The following LZTFL1 variants were observed in gnomAD, a reference collection of about 807,000 sequenced individuals.
LZTFL1 encodes leucine zipper transcription factor-like protein 1.
LZTFL1 carries 25 observed loss-of-function variants against 45.9 expected under a neutral mutation model. The observed-to-expected ratio is 0.54, with a 90% CI of 0.40 to 0.76. The LOEUF (loss-of-function observed/expected upper bound fraction) is 0.76, where lower values mean the gene tolerates loss of function less well. LZTFL1 is among the 30% of genes least tolerant of loss of function. The probability of loss-of-function intolerance (pLI) is 0.00; values close to 1 mark genes in which losing one functional copy is unlikely to be tolerated. For synonymous variants in LZTFL1, 93 were observed against 117.4 expected (o/e 0.79, Z 1.35); for missense variants, 277 against 331.1 (o/e 0.84, Z 1.27).
At chr3:45,907,760 T>A (rs974271050) in intron 2 of LZTFL1, among the ~76,000 whole-genome samples, 2 of 152,296 alleles carry the variant, frequency 1.3e-5, no homozygotes, top group Non-Finnish European at 2.9e-5. Flanking sequence ...CTAGTATTCT[T>A]CTTCCTACTG....
At chr3:45,899,467 T>C (rs565400717) in intron 2 of LZTFL1, among the ~76,000 whole-genome samples, 4 of 152,326 alleles carry the variant, frequency 2.6e-5, no homozygotes, top group Non-Finnish European at 5.9e-5. Flanking sequence ...TTTGTTAATA[T>C]TAACTGTTCA....
chr3:45,914,235 T>A (rs187911767), intron 1 of LZTFL1, among the ~76,000 whole-genome samples: 2 of 151,816 alleles, frequency 1.3e-5, no homozygotes, highest in East Asian at 3.9e-4. Context: ...GACCTGTGAA[T>A]GGACCAGACC....
rs1702575287 is a variant in LZTFL1, at chr3:45,901,966, A to C, written c.-215+11154T>G. On this transcript the variant is annotated intron_variant, in intron 2 of 4. Coordinates refer to the LZTFL1 transcript ENST00000472635. The surrounding 1 kb of genome is among the most constrained non-coding windows in gnomAD (Gnocchi z 4.3). ...AAATACAGAAACAGTTTCCCCACTG[A>C]TGGGACCAGAGAGAGTGAAAGAGAA... The C allele has an allele frequency of 5.5e-6, 7 of 1,278,046 alleles. No individual in the cohort carries two copies. In the South Asian group the frequency reaches 7.3e-5, roughly 13 times the overall value. The allele number at this position is 1,278,046 out of a possible 1,614,324, so 79.2% of individuals were successfully genotyped here.
chr3:45,875,055 T>C, intron 2 of LZTFL1, among the ~76,000 whole-genome samples: 1 of 152,182 alleles, frequency 6.6e-6, no homozygotes. Flanking sequence ...AATCATGAGC[T>C]AAATAAATAA....
intron 2 of LZTFL1, among the ~76,000 whole-genome samples, chr3:45,869,545 G>A (rs560995135): frequency 6.6e-6 from 1 of 152,118 alleles, no homozygotes; most frequent in Non-Finnish European, 1.5e-5. Context: ...ATAAGAAGGA[G>A]CATACTTCCT....
intron 3 of LZTFL1, among the ~76,000 whole-genome samples, chr3:45,856,720 A>G (rs916310755): frequency 1.3e-5 from 2 of 152,242 alleles, no homozygotes; most frequent in African/African-American, 4.8e-5. Context: ...AAAAGACATG[A>G]ACAGACACGT....
chr3:45,828,269 A>G (rs1203845960), intron 8 of LZTFL1, among the ~76,000 whole-genome samples, 170 bp downstream of exon 8: 1 of 152,212 alleles, frequency 6.6e-6, no homozygotes, highest in Non-Finnish European at 1.5e-5. Context: ...AGATGGAAGA[A>G]TATCAGTGCC....
intron 2 of LZTFL1, among the ~76,000 whole-genome samples, chr3:45,890,391 A>G (rs746982313): frequency 1.5e-5 from 1 of 67,382 alleles, no homozygotes; most frequent in Non-Finnish European, 3.4e-5. Context: ...TTTCTAATTG[A>G]TATCTCAAAA....
chr3:45,894,312 G>A (rs928842561), intron 2 of LZTFL1, among the ~76,000 whole-genome samples: 1 of 152,194 alleles, frequency 6.6e-6, no homozygotes, highest in Admixed American at 6.5e-5. Flanking sequence ...GTGGGTTCTG[G>A]GGGCACCGGG....
intron 4 of LZTFL1, among the ~76,000 whole-genome samples, chr3:45,851,813 A>C (rs1379180194): frequency 6.8e-6 from 1 of 146,698 alleles, no homozygotes; most frequent in Non-Finnish European, 1.5e-5. Context: ...ACACCACTGC[A>C]CTCCAGCCTG....
intron 2 of LZTFL1, among the ~76,000 whole-genome samples, chr3:45,907,022 TCTC>T (rs1338635563): frequency 6.6e-6 from 1 of 152,162 alleles, no homozygotes; most frequent in African/African-American, 2.4e-5. Flanking sequence ...TGGCCCCAGA[TCTC>T]CTCTGCAGCC....
At chr3:45,877,301 T>G (rs1374605565) in intron 2 of LZTFL1, among the ~76,000 whole-genome samples, 1 of 151,310 alleles carries the variant, frequency 6.6e-6, no homozygotes, top group African/African-American at 2.4e-5. Context: ...TGGTGCCAGC[T>G]TGGCTCACCA....
intron 2 of LZTFL1, among the ~76,000 whole-genome samples, chr3:45,892,413 A>G (rs144300103): frequency 6.6e-6 from 1 of 152,342 alleles, no homozygotes; most frequent in Non-Finnish European, 1.5e-5. Context: ...CTTTGAAGCA[A>G]CATGGATGGA....
chr3:45,892,053 C>T (rs1218563558), intron 2 of LZTFL1, among the ~76,000 whole-genome samples: 1 of 152,028 alleles, frequency 6.6e-6, no homozygotes, highest in African/African-American at 2.4e-5. Flanking sequence ...TCCAAGGAGC[C>T]CTGGCTGTTT....
intron 4 of LZTFL1, among the ~76,000 whole-genome samples, chr3:45,847,683 T>C (rs1701239016): frequency 1.3e-5 from 2 of 152,218 alleles, no homozygotes; most frequent in Admixed American, 6.5e-5. Context: ...AACCAAAAGA[T>C]TGGCAGCTGG....
upstream of LZTFL1, among the ~76,000 whole-genome samples, chr3:45,843,908 T>A (rs1370617114): frequency 2.0e-5 from 3 of 152,220 alleles, no homozygotes; most frequent in South Asian, 4.1e-4. Flanking sequence ...AACAGCTCCA[T>A]CCTACTTTAC....
chr3:45,842,127 A>G (rs1701137729), upstream of LZTFL1: 1 of 1,528,204 alleles, frequency 6.5e-7, no homozygotes. Flanking sequence ...TCTGGTTGCT[A>G]ACGGAAACCG....
At chr3:45,842,270 A>G (rs991504217), upstream of LZTFL1, 8 of 1,021,850 alleles carry the variant, frequency 7.8e-6, no homozygotes, top group Admixed American at 2.1e-4. Flanking sequence ...GTGCCAGTTC[A>G]CTTTTGGGAG....
intron 2 of LZTFL1, among the ~76,000 whole-genome samples, chr3:45,905,975 C>A (rs1202404531): frequency 6.6e-6 from 1 of 152,186 alleles, no homozygotes; most frequent in East Asian, 1.9e-4. Flanking sequence ...AGTTTGAGTT[C>A]TCTCTCTGCC....
Sources: allele counts gnomAD v4.1 joint callset (sites outside exome capture counted in the v4.1 genomes callset), GRCh38; gene constraint gnomAD v4.1.1; non-coding constraint Gnocchi (gnomAD v3.1); transcripts MANE v1.5; gene names NCBI Gene and HGNC (gene_info 2026-07-23, HGNC 2026-07-21).